The following SH2D2A variants were observed in gnomAD, a reference collection of about 807,000 sequenced individuals.
SH2D2A encodes the protein SH2 domain containing 2A, also known as SH2 domain-containing protein 2A.
In SH2D2A, 33 loss-of-function variants were observed where a neutral mutation model predicts 43.6. That is an observed-to-expected ratio of 0.76 (90% CI 0.57 to 1.01). SH2D2A has a LOEUF of 1.01. Among genes scored for constraint, SH2D2A ranks in the 50% least tolerant of loss-of-function variants. The pLI is 0.00. For synonymous variants in SH2D2A, 212 were observed against 206.1 expected (o/e 1.03, Z -0.25); for missense variants, 491 against 503.1 (o/e 0.98, Z 0.23).
In SH2D2A at chr1:156,809,252, C is replaced by T; in HGVS notation, c.953G>A (p.Gly318Glu). The T allele has an allele frequency of 6.2e-7, 1 of 1,613,988 alleles. No individual in the cohort carries two copies. The highest frequency in any genetic ancestry group is 1.1e-5 in the South Asian group (1 of 91,040). The part of the protein sequence containing the change: ...VEDEGLPATL[G>E]HPVLRKSWSR... ...CCAGCTCTTCCGTAGGACAGGGTGC[C>T]CAAGGGTGGCGGGTAGGCCCTCATC... Residue 318 changes from glycine (G) to glutamate (E), a missense_variant, in exon 7 of 9, where the codon GGG (glycine) becomes GAG (glutamate). By Grantham distance (98) the Gly-to-Glu change is moderately conservative. Transcript: ENST00000368199. The surrounding 1 kb of genome is among the most constrained non-coding windows in gnomAD (Gnocchi z 4.8).
intron 1 of SH2D2A, 52 bp downstream of exon 1, chr1:156,816,623 G>T (rs914207808): frequency 1.8e-5 from 28 of 1,575,526 alleles, no homozygotes; most frequent in African/African-American, 6.8e-5. Context: ...AGGGCAGGGG[G>T]ATGGGGGTCT....
At position 156,816,745 on chromosome 1, in the gene SH2D2A, G is replaced by C. The variant is rs776891748; in HGVS notation, c.-37C>G. 166 of 1,564,596 alleles carry C rather than the reference G, an allele frequency of 1.1e-4. No homozygotes were observed. The highest frequency in any genetic ancestry group is 1.4e-4 in the Non-Finnish European group (159 of 1,155,860). ...CACAAGGGATCCCAGAGCAGGGTGT[G>C]TGTATGTGTTCCGGAAAGGTGTGCA... On this transcript the variant is annotated 5_prime_UTR_variant, in exon 1 of 9. Transcript: ENST00000368199.
At chr1:156,811,080 C>T (rs954205854) in intron 5 of SH2D2A, among the ~76,000 whole-genome samples, 2 of 152,040 alleles carry the variant, frequency 1.3e-5, no homozygotes, top group Non-Finnish European at 2.9e-5. Context: ...CTGCCCTAAC[C>T]CCCTCCTCTC....
chr1:156,816,632 C>G (rs1653964660), intron 1 of SH2D2A, 43 bp downstream of exon 1: 4 of 1,588,482 alleles, frequency 2.5e-6, no homozygotes, highest in Non-Finnish European at 3.4e-6. Flanking sequence ...GGATGGGGGT[C>G]TTTGTGCCCC....
chr1:156,815,440 T>C, intron 2 of SH2D2A: 1 of 574,294 alleles, frequency 1.7e-6, no homozygotes, highest in Non-Finnish European at 3.1e-6. Context: ...GCCCTCTGGG[T>C]CCTGAGGGCT....
intron 4 of SH2D2A, 50 bp from the exon 5 acceptor site, chr1:156,814,066 T>C (rs1334524834): frequency 1.3e-6 from 2 of 1,486,420 alleles, no homozygotes; most frequent in Non-Finnish European, 1.8e-6. Context: ...TCGGCCAGGG[T>C]CACCAGCGAG....
chr1:156,808,528 A>G (rs1653143809), intron 7 of SH2D2A, among the ~76,000 whole-genome samples: 2 of 152,128 alleles, frequency 1.3e-5, no homozygotes, highest in Admixed American at 1.3e-4. Context: ...GGGCACCAGC[A>G]AGGAGGGAGG....
chr1:156,815,955 TG>T, intron 2 of SH2D2A, 50 bp downstream of exon 2: 1 of 1,561,868 alleles, frequency 6.4e-7, no homozygotes. Context: ...CATGGGAGGG[TG>T]GGAGAGATGA....
At position 156,815,064 on chromosome 1, in the gene SH2D2A, G is replaced by C; in HGVS notation, c.281C>G (p.Ala94Gly). The part of the protein sequence containing the change: ...HWLLQHGAAP[A>G]WFHGFITRRE... The stretch of plus-strand genomic sequence containing the variant: ...CCGGGTGATGAAGCCATGGAACCAG[G>C]CAGGGGCTGCCCCGTGCTGCAGGAG... The change falls in exon 3 of 9, where the codon GCC (alanine) becomes GGC (glycine). Residue 94 changes from alanine (A) to glycine (G), a missense_variant. Transcript: ENST00000368199. 1 of 1,586,336 alleles carries C rather than the reference G, an allele frequency of 6.3e-7. No individual in the cohort carries two copies. Among genetic ancestry groups the C allele is most frequent in the Non-Finnish European group, 8.6e-7 (1 of 1,165,522 alleles).
In SH2D2A at chr1:156,807,121, G is replaced by T; in HGVS notation, c.*3+54C>A. 1 of 1,485,944 alleles carries T rather than the reference G, an allele frequency of 6.7e-7. No homozygotes were observed. Among genetic ancestry groups the T allele is most frequent in the Non-Finnish European group, 9.4e-7 (1 of 1,066,614 alleles). 92.0% of individuals were successfully genotyped at this position (1,485,944 alleles called of 1,614,324 possible). On this transcript the variant is annotated intron_variant, in intron 8 of 8. Coordinates refer to ENST00000368199, the MANE Select transcript of SH2D2A (RefSeq NM_003975.4). This position sits in a 1 kb window ranked among gnomAD's most constrained non-coding sequence, Gnocchi z 5.1. ...TTCTTGAGAAGTGTGCCAGGTGTGT[G>T]TGAAGGTCTCTGGACCTGATGCTCC...
At chr1:156,812,818 A>G (rs752543774) in intron 5 of SH2D2A, among the ~76,000 whole-genome samples, 4 of 151,978 alleles carry the variant, frequency 2.6e-5, no homozygotes, top group Non-Finnish European at 5.9e-5. Flanking sequence ...TGTTATCCAT[A>G]TTACTCACTC....
At chr1:156,816,161 C>T in intron 1 of SH2D2A, 67 bp from the exon 2 acceptor site, 1 of 1,529,102 alleles carries the variant, frequency 6.5e-7, no homozygotes, top group Non-Finnish European at 8.8e-7. Flanking sequence ...GCCTCCCACC[C>T]CTCCTCCCAG....
In SH2D2A at chr1:156,807,287, AG is replaced by A; in HGVS notation, c.1060del (p.Leu354CysfsTer73). ...CCAGGCGGGTGGGGGCTGGTGGGGC[AG>A]GGGAGGGCCTTGCCCAATCACAGAG... ...ENSVIGQGPPLPHQPPPAWRH... is the reference protein window; with the variant it reads ...ENSVIGQGPPXPHQPPPAWRH... On this transcript the variant is annotated frameshift_variant, in exon 8 of 9. Coordinates refer to ENST00000368199, the MANE Select transcript of SH2D2A (RefSeq NM_003975.4). LOFTEE classifies it high-confidence loss of function. This position sits in a 1 kb window ranked among gnomAD's most constrained non-coding sequence, Gnocchi z 5.1. 1.4e-6 allele frequency: 1 copy of A among 735,276 alleles called. No homozygotes were observed. Among genetic ancestry groups the A allele is most frequent in the Non-Finnish European group, 1.9e-6 (1 of 513,972 alleles). The allele number at this position is 735,276 out of a possible 1,614,324, so 45.5% of individuals were successfully genotyped here. A position where few individuals can be genotyped will look rare whatever the true frequency, so the allele number is the denominator to read the frequency against.
chr1:156,809,409 G>C lies in SH2D2A; in HGVS notation c.796C>G (p.Arg266Gly), dbSNP rs143525606. The C allele has an allele frequency of 1.2e-6, 2 of 1,613,712 alleles. No individual in the cohort carries two copies. The highest frequency in any genetic ancestry group is 3.3e-5 in the Admixed American group (2 of 60,004). ...PPEVYTIPVPRHRPAPRPKPS... is the reference protein window; with the variant it reads ...PPEVYTIPVPGHRPAPRPKPS... ...TTGGGGCGTGGGGCCGGGCGGTGTC[G>C]TGGAACAGGGATTGTGTAGACTTCT... Residue 266 changes from arginine (R) to glycine (G), a missense_variant, in exon 7 of 9, where the codon CGA becomes GGA. Transcript: ENST00000368199. The surrounding 1 kb of genome is among the most constrained non-coding windows in gnomAD (Gnocchi z 4.8).
At chr1:156,810,945 C>T (rs1293903580) in intron 5 of SH2D2A, among the ~76,000 whole-genome samples, 4 of 152,210 alleles carry the variant, frequency 2.6e-5, no homozygotes, top group Non-Finnish European at 5.9e-5. Context: ...ATGCTGTCCC[C>T]ATGCCTGCTG....
chr1:156,815,740 T>G, intron 2 of SH2D2A: 1 of 1,449,452 alleles, frequency 6.9e-7, no homozygotes, highest in South Asian at 1.1e-5. Flanking sequence ...CTTCTGGGAC[T>G]CAATGCACTG....
At chr1:156,810,195 C>T (rs868424437) in intron 5 of SH2D2A, among the ~76,000 whole-genome samples, 3 of 152,158 alleles carry the variant, frequency 2.0e-5, no homozygotes, top group Non-Finnish European at 2.9e-5. Context: ...GCCACCACAC[C>T]GGCTAATTGT....
chr1:156,815,353 A>G, intron 2 of SH2D2A, 132 bp from the exon 3 acceptor site: 1 of 693,278 alleles, frequency 1.4e-6, no homozygotes. Flanking sequence ...AATTGCCCAG[A>G]AAGTCCTTCC....
At chr1:156,808,304 C>CT in intron 7 of SH2D2A, among the ~76,000 whole-genome samples, 1 of 152,110 alleles carries the variant, frequency 6.6e-6, no homozygotes. Flanking sequence ...GCAATCAGGA[C>CT]AGTGAACATG....
Sources: allele counts gnomAD v4.1 joint callset (sites outside exome capture counted in the v4.1 genomes callset), GRCh38; gene constraint gnomAD v4.1.1; non-coding constraint Gnocchi (gnomAD v3.1); transcripts MANE v1.5; gene names NCBI Gene and HGNC (gene_info 2026-07-23, HGNC 2026-07-21).